The following CADPS variants were observed in gnomAD, a reference collection of about 807,000 sequenced individuals.
CADPS encodes the protein calcium-dependent secretion activator 1.
A neutral mutation model predicts 167.3 loss-of-function variants in CADPS; 57 were observed. The observed-to-expected ratio is 0.34, with a 90% CI of 0.28 to 0.42. CADPS has a LOEUF of 0.42. Among genes scored for constraint, CADPS ranks in the 20% least tolerant of loss-of-function variants. The pLI, the probability that CADPS is intolerant of heterozygous loss-of-function variation, is 1.00. For synonymous variants in CADPS, 676 were observed against 635.3 expected (o/e 1.06, Z -0.96); for missense variants, 1,414 against 1,738.1 (o/e 0.81, Z 3.32).
At position 62,532,967 on chromosome 3, in the gene CADPS, C is replaced by G. The variant is rs757623234; in HGVS notation, c.2195G>C (p.Arg732Thr). ...RGCHRHLCYL[R>T]DLLERAENGA... The stretch of plus-strand genomic sequence containing the variant: ...ATTTTCTGCCCGTTCAAGCAAGTCT[C>G]TGAGGTAGCAGAGATGTCGGTGACA... Residue 732 changes from arginine to threonine, a missense_variant, in exon 13 of 30, where the codon AGA becomes ACA. Around this residue, in one of 6 missense-constraint regions of CADPS, gnomAD observed 529 missense variants for 629.6 expected, o/e 0.84. Transcript: ENST00000383710. 1.2e-5 allele frequency: 20 copies of G among 1,613,840 alleles called. No homozygotes were observed. In the South Asian group the frequency reaches 2.1e-4, roughly 17 times the overall value.
At chr3:62,591,006 C>G (rs536295360) in intron 7 of CADPS, among the ~76,000 whole-genome samples, 1 of 152,164 alleles carries the variant, frequency 6.6e-6, no homozygotes, top group East Asian at 1.9e-4. Flanking sequence ...AGGTGCCTGC[C>G]ACCACGCCCG....
intron 16 of CADPS, 80 bp downstream of exon 16, chr3:62,515,979 C>T (rs1418327009): frequency 1.3e-6 from 2 of 1,547,314 alleles, no homozygotes; most frequent in East Asian, 2.3e-5. Context: ...TTTTCAGGTG[C>T]CCTTGAGAAA....
intron 10 of CADPS, among the ~76,000 whole-genome samples, chr3:62,556,056 T>C (rs996145635): frequency 6.6e-6 from 1 of 152,144 alleles, no homozygotes; most frequent in Non-Finnish European, 1.5e-5. Flanking sequence ...TACTTAAAAA[T>C]AAAAGTCCTA....
chr3:62,418,313 C>CT (rs1305860521), intron 28 of CADPS, among the ~76,000 whole-genome samples: 2 of 138,974 alleles, frequency 1.4e-5, no homozygotes, highest in African/African-American at 5.3e-5. Context: ...TTTTTCTTTT[C>CT]TTTTTTCTCT....
At chr3:62,489,999 T>A (rs937962729) in intron 21 of CADPS, among the ~76,000 whole-genome samples, 3 of 152,132 alleles carry the variant, frequency 2.0e-5, no homozygotes, top group Non-Finnish European at 2.9e-5. Context: ...GAGCTACTGG[T>A]TATTAACCTC....
intron 24 of CADPS, among the ~76,000 whole-genome samples, chr3:62,471,835 A>G (rs1401996410): frequency 6.6e-6 from 1 of 152,216 alleles, no homozygotes; most frequent in South Asian, 2.1e-4. Context: ...CGAGAAGATG[A>G]AAAAGAAAAC....
rs1011607524 is a variant in CADPS, at chr3:62,601,850, C to G, written c.1326-9102G>C. Among the ~76,000 whole-genome samples, 1 of 152,140 alleles carries G rather than the reference C, an allele frequency of 6.6e-6. No individual in the cohort carries two copies. Among genetic ancestry groups the G allele is most frequent in the African/African-American group, 2.4e-5 (1 of 41,438 alleles). On this transcript the variant is annotated intron_variant, in intron 6 of 29. Transcript: ENST00000383710. The surrounding 1 kb of genome is among the most constrained non-coding windows in gnomAD (Gnocchi z 4.3). Reference sequence around the variant, plus strand: ...CCACTTTGAAAGTGAACACTTTGATCTGGGGGAGAAAATGAGGGAGAAGAA... The same window carrying G: ...CCACTTTGAAAGTGAACACTTTGATGTGGGGGAGAAAATGAGGGAGAAGAA...
chr3:62,558,469 C>T (rs904221550), intron 9 of CADPS, among the ~76,000 whole-genome samples: 3 of 152,238 alleles, frequency 2.0e-5, no homozygotes, highest in Non-Finnish European at 4.4e-5. Flanking sequence ...TTACTATCCA[C>T]GGATGTCAAA....
At chr3:62,711,110 T>C (rs1444447180) in intron 3 of CADPS, among the ~76,000 whole-genome samples, 1 of 152,190 alleles carries the variant, frequency 6.6e-6, no homozygotes, top group Non-Finnish European at 1.5e-5. Flanking sequence ...TATAGACCTC[T>C]TTTCAGTGTA....
chr3:62,483,649 T>C (rs961996220), intron 21 of CADPS, among the ~76,000 whole-genome samples: 2 of 152,194 alleles, frequency 1.3e-5, no homozygotes, highest in African/African-American at 2.4e-5. Flanking sequence ...CTTGTGGGAA[T>C]GGTCAAGAAA....
chr3:62,657,376 A>G (rs2071917929), intron 4 of CADPS, among the ~76,000 whole-genome samples: 1 of 152,154 alleles, frequency 6.6e-6, no homozygotes, highest in African/African-American at 2.4e-5. Context: ...TGTCTTAAAT[A>G]ATTAGCTCAA....
At position 62,592,619 on chromosome 3, in the gene CADPS, G is replaced by A. The variant is rs371764839; in HGVS notation, c.1437+18C>T. ...AAATCCTCTCTGTGGAGTTCCCCTT[G>A]TGATAAGAAGTGCTTACCCGCCCAA... On this transcript the variant is annotated intron_variant, in intron 7 of 29. Transcript: ENST00000383710. 1 of 1,585,484 alleles carries A rather than the reference G, an allele frequency of 6.3e-7. No homozygotes were observed. The highest frequency in any genetic ancestry group is 8.7e-7 in the Non-Finnish European group (1 of 1,154,264).
At position 62,863,009 on chromosome 3, in the gene CADPS, T is replaced by C. The variant is rs139197709; in HGVS notation, c.441+11580A>G. Reference sequence around the variant, plus strand: ...ATAATCTCAGTGGATAGGCTACAAATTGTAGAGAATATATATTACTATTCT... The same window carrying C: ...ATAATCTCAGTGGATAGGCTACAAACTGTAGAGAATATATATTACTATTCT... On this transcript the variant is annotated intron_variant, in intron 1 of 29. Transcript: ENST00000383710. Among the ~76,000 whole-genome samples, 14 of 152,352 alleles carry C rather than the reference T, an allele frequency of 9.2e-5. No individual in the cohort carries two copies. The East Asian group carries it at 2.7e-3, about 29-fold the overall frequency.
intron 6 of CADPS, among the ~76,000 whole-genome samples, chr3:62,600,669 G>T (rs543464216): frequency 1.9e-4 from 29 of 152,328 alleles, no homozygotes; most frequent in African/African-American, 7.0e-4. Flanking sequence ...GATAGGCACT[G>T]CTATGGATCC....
intron 23 of CADPS, 129 bp from the exon 24 acceptor site, chr3:62,474,449 C>T (rs1238999843): frequency 1.3e-6 from 1 of 787,868 alleles, no homozygotes; most frequent in East Asian, 2.5e-5. Context: ...AATGACTTCA[C>T]ATGTGTTCCC....
intron 18 of CADPS, among the ~76,000 whole-genome samples, chr3:62,493,934 T>G (rs2064177079): frequency 6.6e-6 from 1 of 152,238 alleles, no homozygotes; most frequent in Non-Finnish European, 1.5e-5. Context: ...CATTAGTTAT[T>G]AATGCAACAT....
At chr3:62,628,358 A>C (rs2064529507) in intron 6 of CADPS, among the ~76,000 whole-genome samples, 1 of 152,216 alleles carries the variant, frequency 6.6e-6, no homozygotes, top group South Asian at 2.1e-4. Context: ...ATAAAAGTAC[A>C]AGAGAATTAC....
intron 17 of CADPS, among the ~76,000 whole-genome samples, chr3:62,510,954 C>G (rs887291752): frequency 6.6e-6 from 1 of 152,184 alleles, no homozygotes; most frequent in Non-Finnish European, 1.5e-5. Flanking sequence ...TCAAACCCAT[C>G]TCTGCTTTAA....
chr3:62,760,554 G>A (rs1173423644), intron 2 of CADPS, among the ~76,000 whole-genome samples: 1 of 151,954 alleles, frequency 6.6e-6, no homozygotes, highest in African/African-American at 2.4e-5. Context: ...ACCTGGCCTT[G>A]GACACTAAAC....
Sources: allele counts gnomAD v4.1 joint callset (sites outside exome capture counted in the v4.1 genomes callset), GRCh38; gene constraint gnomAD v4.1.1; regional missense constraint gnomAD v4.1.1; non-coding constraint Gnocchi (gnomAD v3.1); transcripts MANE v1.5; gene names NCBI Gene and HGNC (gene_info 2026-07-23, HGNC 2026-07-21).